Variants in SURF1 observed in about 807,000 individuals in gnomAD.
SURF1 encodes SURF1 cytochrome c oxidase assembly factor.
In SURF1, 45 loss-of-function variants were observed where a neutral mutation model predicts 34.1. The observed-to-expected ratio is 1.32, with a 90% CI of 1.04 to 1.69. The LOEUF is 1.69. SURF1 is among the 40% of genes most tolerant of loss of function. The pLI, the probability that SURF1 is intolerant of heterozygous loss-of-function variation, is 0.00. For missense variants in SURF1, 456 were observed against 384.6 expected, an observed-to-expected ratio of 1.19 and a Z score of -1.55; for synonymous variants, 188 against 147.5, an observed-to-expected ratio of 1.27 and a Z score of -1.99.
intron 4 of SURF1, chr9:133,354,285 AG>A: frequency 2.0e-6 from 1 of 489,806 alleles, no homozygotes. Context: ...GGCATATTCT[AG>A]GGAGAGAGCA....
At chr9:133,354,079 G>T in intron 4 of SURF1, 139 bp from the exon 5 acceptor site, 1 of 934,546 alleles carries the variant, frequency 1.1e-6, no homozygotes. Context: ...GGGGAACTTT[G>T]ATGCCATGTG....
Position 133,353,822 on chromosome 9 carries a change from C to T in SURF1, c.442G>A (p.Glu148Lys). The change falls in exon 5 of 9, where the codon GAG becomes AAG. Residue 148 changes from glutamate to lysine, a missense_variant. Glu to Lys is a moderately conservative substitution (Grantham distance 56). Coordinates refer to ENST00000371974, the MANE Select transcript of SURF1 (RefSeq NM_003172.4). Reference protein sequence around the residue: ...TMVDPVREAREGGLISSSTQS... With the variant: ...TMVDPVREARKGGLISSSTQS... ...GTTGAGGAGGAGATGAGGCCGCCCT[C>T]CCGGGCCTCCCGGACAGGGTCCACC... 6.2e-7 allele frequency: 1 copy of T among 1,613,796 alleles called. No homozygotes were observed. Among genetic ancestry groups the T allele is most frequent in the Admixed American group, 1.7e-5 (1 of 60,030 alleles).
In SURF1 at chr9:133,352,203, C is replaced by T. The variant is rs2130005596; in HGVS notation, c.752-61G>A. ...GGCCTGCCAGCCTCTGCACCACTTCCTAGTGGCTGTCATTTTTGCGTGGCC... is the reference window on the plus strand; with the variant it reads ...GGCCTGCCAGCCTCTGCACCACTTCTTAGTGGCTGTCATTTTTGCGTGGCC... On this transcript the variant is annotated intron_variant, in intron 7 of 8. Coordinates refer to ENST00000371974, the MANE Select transcript of SURF1 (RefSeq NM_003172.4). The T allele has an allele frequency of 6.2e-5, 93 of 1,510,026 alleles. No individual in the cohort carries two copies. In the Admixed American group the frequency reaches 1.7e-3, roughly 27 times the overall value. 93.5% of individuals were successfully genotyped at this position (1,510,026 alleles called of 1,614,324 possible).
At chr9:133,354,016 G>T in intron 4 of SURF1, 76 bp from the exon 5 acceptor site, 1 of 1,531,352 alleles carries the variant, frequency 6.5e-7, no homozygotes. Flanking sequence ...AGACTACACA[G>T]CCCACCAGGG....
chr9:133,356,300 C>G lies in SURF1; in HGVS notation c.75G>C (p.Trp25Cys), dbSNP rs1302110880. The G allele has an allele frequency of 1.3e-6, 2 of 1,527,478 alleles. No homozygotes were observed. The highest frequency in any genetic ancestry group is 1.7e-6 in the Non-Finnish European group (2 of 1,143,954). The allele number at this position is 1,527,478 out of a possible 1,614,324, so 94.6% of individuals were successfully genotyped here. A position where few individuals can be genotyped will look rare whatever the true frequency, so the allele number is the denominator to read the frequency against. Reference protein sequence around the residue: ...GLGRAPASAAWRSVLRVSPRP... With the variant: ...GLGRAPASAACRSVLRVSPRP... ...GCGGGGAGACCCTGAGGACGCTCCT[C>G]CAGGCGGCGCTGGCCGGGGCCTGCG... The change falls in exon 2 of 9, where the codon TGG becomes TGC. Residue 25 changes from tryptophan to cysteine, a missense_variant. Coordinates refer to ENST00000371974, the MANE Select transcript of SURF1 (RefSeq NM_003172.4).
chr9:133,355,080 C>T, intron 2 of SURF1, 123 bp from the exon 3 acceptor site: 2 of 1,289,028 alleles, frequency 1.6e-6, no homozygotes, highest in Non-Finnish European at 2.2e-6. Flanking sequence ...CAACTAGCAG[C>T]ACCTGTATCC....
In SURF1 at chr9:133,356,316, G is replaced by A. The variant is rs2130025246; in HGVS notation, c.59C>T (p.Pro20Leu). 5.9e-6 allele frequency: 9 copies of A among 1,518,300 alleles called. No individual in the cohort carries two copies. The South Asian group carries it at 9.7e-5, about 16-fold the overall frequency. 94.1% of individuals were successfully genotyped at this position (1,518,300 alleles called of 1,614,324 possible). A position where few individuals can be genotyped will look rare whatever the true frequency, so the allele number is the denominator to read the frequency against. ...GACGCTCCTCCAGGCGGCGCTGGCCGGGGCCTGCGGACACGGACGGGCGGG... is the reference window on the plus strand; with the variant it reads ...GACGCTCCTCCAGGCGGCGCTGGCCAGGGCCTGCGGACACGGACGGGCGGG... ...GLRAAGLGRA[P>L]ASAAWRSVLR... Residue 20 changes from proline to leucine, a missense_variant, in exon 2 of 9, where the codon CCG (proline) becomes CTG (leucine). Transcript: ENST00000371974.
intron 7 of SURF1, 116 bp from the exon 8 acceptor site, chr9:133,352,258 G>A (rs2130005916): frequency 6.6e-6 from 9 of 1,362,956 alleles, no homozygotes; most frequent in Admixed American, 2.0e-5. Flanking sequence ...CCTTTACGTT[G>A]GGTGACCATC....
intron 2 of SURF1, 95 bp downstream of exon 2, chr9:133,356,174 C>T: frequency 1.4e-6 from 2 of 1,473,854 alleles, no homozygotes; most frequent in South Asian, 2.4e-5. Context: ...GCAGTTGGTT[C>T]ATTTCAATCC....
chr9:133,354,306 T>C, intron 4 of SURF1: 2 of 480,656 alleles, frequency 4.2e-6, no homozygotes, highest in Non-Finnish European at 7.6e-6. Context: ...AGACAAATCA[T>C]TCAGGGCACT....
intron 5 of SURF1, 72 bp downstream of exon 5, chr9:133,353,677 G>A: frequency 5.7e-6 from 9 of 1,573,100 alleles, no homozygotes; most frequent in Non-Finnish European, 7.9e-6. Flanking sequence ...GATTGTGAAG[G>A]AAATAGTGAT....
rs1399819839 is a variant in SURF1 at position 133,356,297 on chromosome 9, C to T, written c.78G>A (p.Arg26=). 5 of 1,528,342 alleles carry T rather than the reference C, an allele frequency of 3.3e-6. No homozygotes were observed. The highest frequency in any genetic ancestry group is 3.5e-6 in the Non-Finnish European group (4 of 1,144,324). 94.7% of individuals were successfully genotyped at this position (1,528,342 alleles called of 1,614,324 possible). The change falls in exon 2 of 9, where the codon AGG becomes AGA. Residue 26 remains arginine, a synonymous_variant. Transcript: ENST00000371974. ...GGCGCGGGGAGACCCTGAGGACGCT[C>T]CTCCAGGCGGCGCTGGCCGGGGCCT... The part of the protein sequence containing the change: ...LGRAPASAAW[R]SVLRVSPRPG...
At chr9:133,352,950 G>A (rs2130011093) in intron 5 of SURF1, among the ~76,000 whole-genome samples, 184 bp from the exon 6 acceptor site, 3 of 152,308 alleles carry the variant, frequency 2.0e-5, no homozygotes, top group African/African-American at 7.2e-5. Context: ...GCACCTTCGT[G>A]GTTGGTAAAA....
intron 4 of SURF1, 77 bp from the exon 5 acceptor site, chr9:133,354,017 C>T (rs150172770): frequency 3.3e-6 from 5 of 1,529,936 alleles, no homozygotes; most frequent in South Asian, 2.2e-5. Context: ...GACTACACAG[C>T]CCACCAGGGC....
At position 133,356,415 on chromosome 9, in the gene SURF1, C is replaced by CGCCCGCA. The variant is rs1410388157; in HGVS notation, c.32_38dup (p.Leu16GlyfsTer46). 2.2e-6 allele frequency: 3 copies of CGCCCGCA among 1,379,008 alleles called. No homozygotes were observed. The African/African-American group carries it at 4.8e-5, about 22-fold the overall frequency. 85.4% of individuals were successfully genotyped at this position (1,379,008 alleles called of 1,614,324 possible). A position where few individuals can be genotyped will look rare whatever the true frequency, so the allele number is the denominator to read the frequency against. On this transcript the variant is annotated frameshift_variant, in exon 1 of 9. Coordinates refer to ENST00000371974, the MANE Select transcript of SURF1 (RefSeq NM_003172.4). LOFTEE classifies it high-confidence loss of function. ...CGGCGCTCACCCGTCCCAGCCCCGC[C>CGCCCGCA]GCCCGCAGCCCCAGCTGCAACGCAG...
At position 133,351,910 on chromosome 9, in the gene SURF1, C is replaced by G. The variant is rs2130002447; in HGVS notation, c.*3G>C. ...CAGGGACAGGGCTTCAGCAGCTGAT[C>G]TGTCACACACCAGGTGTCCCACGTA... On this transcript the variant is annotated 3_prime_UTR_variant, in exon 9 of 9. Coordinates refer to ENST00000371974, the MANE Select transcript of SURF1 (RefSeq NM_003172.4). 1.4e-5 allele frequency: 22 copies of G among 1,613,376 alleles called. 1 individual carries two copies. The highest frequency in any genetic ancestry group is 9.3e-5 in the African/African-American group (7 of 75,060).
chr9:133,352,369 C>T (rs1334402491), intron 7 of SURF1, 77 bp downstream of exon 7: 2 of 1,604,558 alleles, frequency 1.2e-6, no homozygotes, highest in Middle Eastern at 1.7e-4. Context: ...ACAGTAGTGA[C>T]TGGGCAATGA....
chr9:133,352,100 ACT>A lies in SURF1; in HGVS notation c.792_793del (p.Arg264SerfsTer27), dbSNP rs2130004580. 2.1e-5 allele frequency: 33 copies of A among 1,609,484 alleles called. No individual in the cohort carries two copies. Among genetic ancestry groups the A allele is most frequent in the South Asian group, 1.0e-4 (9 of 90,150 alleles). ...CTGCAGATGCTCGTTCCTCAGAGTA[ACT>A]CTGGTTTGCCCTCCAATGGGTCCTC... On this transcript the variant is annotated frameshift_variant, in exon 8 of 9. Transcript: ENST00000371974. LOFTEE classifies it high-confidence loss of function.
In SURF1 at chr9:133,352,552, A is replaced by T; in HGVS notation, c.645T>A (p.Pro215=). ...GMVRLTETRQ[P]FVPENNPERN... Reference sequence around the variant, plus strand: ...TTTCTGGATTGTTCTCAGGGACAAAAGGCTGCCTGGTTTCTGTCAGCCTCA... The same window carrying T: ...TTTCTGGATTGTTCTCAGGGACAAATGGCTGCCTGGTTTCTGTCAGCCTCA... Residue 215 remains proline, a synonymous_variant, in exon 7 of 9, where the codon CCT becomes CCA. Transcript: ENST00000371974. The T allele has an allele frequency of 6.2e-7, 1 of 1,614,230 alleles. No homozygotes were observed. The highest frequency in any genetic ancestry group is 8.5e-7 in the Non-Finnish European group (1 of 1,180,038).
Sources: allele counts gnomAD v4.1 joint callset (sites outside exome capture counted in the v4.1 genomes callset), GRCh38; gene constraint gnomAD v4.1.1; transcripts MANE v1.5; gene names NCBI Gene and HGNC (gene_info 2026-07-23, HGNC 2026-07-21).